Variants in MALRD1 observed in about 807,000 individuals in gnomAD.
MALRD1 encodes the protein MAM and LDL-receptor class A domain-containing protein 1.
In MALRD1, 247 loss-of-function variants were observed where a neutral mutation model predicts 242.1. The ratio of observed to expected loss-of-function variants is 1.02; its 90% CI spans 0.92 to 1.13. MALRD1 has a LOEUF of 1.13. MALRD1 is among the 50% of genes most tolerant of loss of function. The pLI, the probability that MALRD1 is intolerant of heterozygous loss-of-function variation, is 0.00. For synonymous variants in MALRD1, 995 were observed against 866.6 expected (o/e 1.15, Z -2.60); for missense variants, 2,989 against 2,533.1 (o/e 1.18, Z -3.86).
rs756367762 is a variant in MALRD1 at position 19,113,637 on chromosome 10, TTTTC to T, written c.694+9578_694+9581del. ...CCCTTCTGCCTTCTTTGTTCCTTCCTTTTCTTTCTTTCTTTCTTTTTTTTCTTTG... is the reference window on the plus strand; with the variant it reads ...CCCTTCTGCCTTCTTTGTTCCTTCCTTTTCTTTCTTTCTTTTTTTTCTTTG... On this transcript the variant is annotated intron_variant, in intron 5 of 39. Coordinates refer to ENST00000454679, the MANE Select transcript of MALRD1 (RefSeq NM_001142308.3). 1.4e-4 allele frequency among the ~76,000 whole-genome samples: 22 copies of T among 151,864 alleles called. No individual in the cohort carries two copies. In the South Asian group the frequency reaches 1.5e-3, roughly 10 times the overall value.
chr10:19,116,095 AG>A (rs918020482), intron 5 of MALRD1, among the ~76,000 whole-genome samples: 35 of 152,300 alleles, frequency 2.3e-4, no homozygotes, highest in African/African-American at 8.2e-4. Context: ...TTTATTGAAA[AG>A]AGGATCACTT....
At chr10:19,465,588 T>C (rs1318700053) in intron 29 of MALRD1, among the ~76,000 whole-genome samples, 1 of 152,132 alleles carries the variant, frequency 6.6e-6, no homozygotes, top group Non-Finnish European at 1.5e-5. Context: ...TGAAGTATAA[T>C]AGCACGATCA....
At chr10:19,497,090 G>A (rs1246442847) in intron 30 of MALRD1, among the ~76,000 whole-genome samples, 1 of 152,086 alleles carries the variant, frequency 6.6e-6, no homozygotes, top group Non-Finnish European at 1.5e-5. Context: ...GAATAGAAAA[G>A]GATGCGGAAT....
intron 35 of MALRD1, among the ~76,000 whole-genome samples, chr10:19,614,413 C>G (rs1839042789): frequency 6.6e-6 from 1 of 151,852 alleles, no homozygotes; most frequent in Non-Finnish European, 1.5e-5. Context: ...AAATTTTAAT[C>G]AAGTGTTAGA....
chr10:19,221,042 A>G (rs1837533713), intron 18 of MALRD1, among the ~76,000 whole-genome samples: 1 of 152,168 alleles, frequency 6.6e-6, no homozygotes, highest in South Asian at 2.1e-4. Flanking sequence ...CTGTGCTCTG[A>G]TAACATCTTT....
chr10:19,328,171 G>T (rs1013687012), intron 23 of MALRD1, among the ~76,000 whole-genome samples: 9 of 152,088 alleles, frequency 5.9e-5, no homozygotes, highest in Non-Finnish European at 1.3e-4. Context: ...AAGAGGATCA[G>T]ACCTATACAT....
chr10:19,083,144 A>ATG (rs1042220244), intron 2 of MALRD1, among the ~76,000 whole-genome samples: 16 of 152,112 alleles, frequency 1.1e-4, no homozygotes, highest in Admixed American at 5.9e-4. Flanking sequence ...CCACATATGA[A>ATG]TGTGTGTGTG....
intron 14 of MALRD1, among the ~76,000 whole-genome samples, chr10:19,188,433 A>T (rs577121468): frequency 6.6e-6 from 1 of 152,298 alleles, no homozygotes; most frequent in East Asian, 1.9e-4. Flanking sequence ...ATCTGAACAA[A>T]TTTTATTTAG....
At position 19,411,442 on chromosome 10, in the gene MALRD1, T is replaced by G. The variant is rs151244855; in HGVS notation, c.4845+21833T>G. 7.2e-5 allele frequency among the ~76,000 whole-genome samples: 11 copies of G among 152,318 alleles called. No individual in the cohort carries two copies. The East Asian group carries it at 2.1e-3, about 29-fold the overall frequency. On this transcript the variant is annotated intron_variant, in intron 28 of 39. Coordinates refer to ENST00000454679, the MANE Select transcript of MALRD1 (RefSeq NM_001142308.3). ...GCTTAATGGAACAATTAATGGTACC[T>G]AAGTCTTATTCATCTCTTCCTATGA...
At chr10:19,655,526 G>T (rs901640381) in intron 36 of MALRD1, among the ~76,000 whole-genome samples, 3 of 114,890 alleles carry the variant, frequency 2.6e-5, no homozygotes, top group Non-Finnish European at 5.4e-5. Context: ...ATATATGTGT[G>T]AGTGTATATA....
chr10:19,586,310 T>G (rs1837398981), intron 33 of MALRD1, among the ~76,000 whole-genome samples: 1 of 152,202 alleles, frequency 6.6e-6, no homozygotes, highest in Non-Finnish European at 1.5e-5. Context: ...CTCTGCTTTT[T>G]AGAGTTTCCA....
rs1837145592 is a variant in MALRD1 at position 19,123,589 on chromosome 10, G to A, written c.792G>A (p.Leu264=). 1.6e-6 allele frequency: 2 copies of A among 1,230,884 alleles called. No homozygotes were observed. The highest frequency in any genetic ancestry group is 2.0e-6 in the Non-Finnish European group (2 of 985,464). The allele number at this position is 1,230,884 out of a possible 1,614,324, so 76.2% of individuals were successfully genotyped here. A position where few individuals can be genotyped will look rare whatever the true frequency, so the allele number is the denominator to read the frequency against. ...LCRFDATDEE[L]RLCQACGFEF... ...GATTTGATGCTACAGATGAAGAGTT[G>A]AGATGTAAGTGTTAAATTGAGATAT... Residue 264 remains leucine (L), a synonymous_variant, in exon 6 of 40, where the codon TTG becomes TTA. Transcript: ENST00000454679.
chr10:19,209,758 C>G, intron 18 of MALRD1, 78 bp downstream of exon 18: 1 of 1,344,156 alleles, frequency 7.4e-7, no homozygotes, highest in African/African-American at 1.5e-5. Context: ...GCTGTATTCT[C>G]TAATTAAAAG....
intron 28 of MALRD1, among the ~76,000 whole-genome samples, chr10:19,443,030 T>A (rs1834758924): frequency 6.6e-6 from 1 of 152,220 alleles, no homozygotes; most frequent in Non-Finnish European, 1.5e-5. Context: ...ATTCAACTTC[T>A]TCCTGGTTTA....
chr10:19,646,172 C>T (rs1840648209), intron 36 of MALRD1, among the ~76,000 whole-genome samples: 1 of 152,104 alleles, frequency 6.6e-6, no homozygotes, highest in Non-Finnish European at 1.5e-5. Context: ...ATTTCCTTTG[C>T]AGCAGTTCAT....
At chr10:19,205,286 G>A in intron 17 of MALRD1, 21 bp downstream of exon 17, 1 of 1,515,880 alleles carries the variant, frequency 6.6e-7, no homozygotes, top group Admixed American at 2.2e-5. Context: ...TTTGGTTGGG[G>A]GATTCTCTTT....
rs138964939 is a variant in MALRD1, at chr10:19,239,467, G to A, written c.2992-18217G>A. 5.9e-3 allele frequency among the ~76,000 whole-genome samples: 897 copies of A among 152,230 alleles called. 7 individuals carry two copies. The highest frequency in any genetic ancestry group is 7.5e-3 in the Non-Finnish European group (510 of 67,990). On this transcript the variant is annotated intron_variant, in intron 18 of 39. Transcript: ENST00000454679. ...GTAAGTTGTCTTTTCACTCTGTTAA[G>A]TTTCCTTTGCTGTGCAAAAGCATTT...
intron 29 of MALRD1, among the ~76,000 whole-genome samples, chr10:19,475,388 C>G (rs1302260504): frequency 6.6e-6 from 1 of 152,072 alleles, no homozygotes; most frequent in East Asian, 1.9e-4. Context: ...GCATTCCAGC[C>G]TGGGCGACAG....
At position 19,367,656 on chromosome 10, in the gene MALRD1, C is replaced by G. The variant is rs185073409; in HGVS notation, c.4441+15359C>G. On this transcript the variant is annotated intron_variant, in intron 26 of 39. Transcript: ENST00000454679. ...CCCATGGGGGAATTGTATGGCAGTT[C>G]TATTTGAAGTTTTTTGAGAAACCTC... Among the ~76,000 whole-genome samples the G allele has an allele frequency of 2.6e-3, 402 of 152,208 alleles. 2 individuals carry two copies. The highest frequency in any genetic ancestry group is 9.1e-3 in the African/African-American group (380 of 41,564).
Sources: gnomAD v4.1 joint callset for allele counts (sites outside exome capture counted in the v4.1 genomes callset) on GRCh38, gnomAD v4.1.1 for gene constraint, MANE v1.5 for transcripts, NCBI Gene and HGNC (gene_info 2026-07-23, HGNC 2026-07-21) for gene names.